Variants in TEAD1 observed in about 807,000 individuals in gnomAD.
The protein encoded by TEAD1 is TEA domain transcription factor 1.
In TEAD1, 9 loss-of-function variants were observed where a neutral mutation model predicts 54.9. That is an observed-to-expected ratio of 0.16 (90% CI 0.10 to 0.29). The LOEUF is 0.29. Ranked by LOEUF, TEAD1 falls within the 10% of genes least tolerant of loss-of-function variation. The pLI is 1.00. For missense variants in TEAD1, 387 were observed against 535.9 expected (o/e 0.72, Z 2.74); for synonymous variants, 200 against 187.8 (o/e 1.07, Z -0.53).
intron 2 of TEAD1, among the ~76,000 whole-genome samples, chr11:12,747,802 T>C (rs1482807255): frequency 6.6e-6 from 1 of 152,214 alleles, no homozygotes; most frequent in African/African-American, 2.4e-5. Context: ...TTACATCAGG[T>C]GGCTAATAAT....
intron 2 of TEAD1, among the ~76,000 whole-genome samples, chr11:12,713,898 T>G (rs1290076433): frequency 6.6e-6 from 1 of 152,134 alleles, no homozygotes; most frequent in Non-Finnish European, 1.5e-5. Flanking sequence ...TGGCCTCACT[T>G]CTCTCAGTAA....
chr11:12,772,755 C>T (rs369642480), intron 3 of TEAD1, among the ~76,000 whole-genome samples: 296 of 152,208 alleles, frequency 1.9e-3, no homozygotes, highest in African/African-American at 6.4e-3. Context: ...TTGCAACAAG[C>T]GGGATATTGG....
chr11:12,915,303 C>A (rs1294433416), intron 10 of TEAD1, among the ~76,000 whole-genome samples: 1 of 152,200 alleles, frequency 6.6e-6, no homozygotes, highest in Non-Finnish European at 1.5e-5. Flanking sequence ...TCCCATTCTT[C>A]ACTGGGCAGG....
intron 3 of TEAD1, among the ~76,000 whole-genome samples, chr11:12,796,425 C>T (rs189866565): frequency 1.9e-3 from 292 of 152,288 alleles, no homozygotes; most frequent in African/African-American, 6.5e-3. Context: ...CAGATGCTTA[C>T]GATGTTTAGC....
chr11:12,884,716 A>G (rs1210212744), intron 9 of TEAD1, among the ~76,000 whole-genome samples: 4 of 152,190 alleles, frequency 2.6e-5, no homozygotes, highest in Admixed American at 1.3e-4. Context: ...CCATCAGGAC[A>G]GGTACAAGAA....
chr11:12,679,424 A>T (rs540227679), intron 2 of TEAD1, among the ~76,000 whole-genome samples: 204 of 152,332 alleles, frequency 1.3e-3, no homozygotes, highest in African/African-American at 4.8e-3. Context: ...AGCATCCGTC[A>T]TCTCTAATGG....
At chr11:12,762,592 AT>A (rs1945123475) in intron 2 of TEAD1, among the ~76,000 whole-genome samples, 1 of 152,214 alleles carries the variant, frequency 6.6e-6, no homozygotes, top group South Asian at 2.1e-4. Context: ...CAGTAGCAGC[AT>A]TTAAAGGCAG....
chr11:12,759,839 G>T (rs971082348), intron 2 of TEAD1, among the ~76,000 whole-genome samples: 1 of 152,166 alleles, frequency 6.6e-6, no homozygotes, highest in Non-Finnish European at 1.5e-5. Flanking sequence ...TCCAGCCTGG[G>T]CAATAGAGTG....
chr11:12,869,737 C>T (rs1212624044), intron 5 of TEAD1, among the ~76,000 whole-genome samples: 3 of 152,132 alleles, frequency 2.0e-5, no homozygotes, highest in Non-Finnish European at 4.4e-5. Context: ...TCTACCCACC[C>T]TCCGTCTTCA....
Position 12,724,547 on chromosome 11 carries a change from C to G in TEAD1, c.-54-39632C>G, listed in dbSNP as rs543966834. Among the ~76,000 whole-genome samples, 3 of 152,320 alleles carry G rather than the reference C, an allele frequency of 2.0e-5. No homozygotes were observed. The South Asian group carries it at 6.2e-4, about 32-fold the overall frequency. On this transcript the variant is annotated intron_variant, in intron 2 of 12. Transcript: ENST00000527636. Reference sequence around the variant, plus strand: ...GTGCTGATGACTCATCCTCTGAATGCGAGTGCTTTCTTCTGAAATCATAAA... The same window carrying G: ...GTGCTGATGACTCATCCTCTGAATGGGAGTGCTTTCTTCTGAAATCATAAA...
intron 10 of TEAD1, 52 bp downstream of exon 10, chr11:12,902,165 C>T (rs910625283): frequency 6.2e-7 from 1 of 1,606,548 alleles, no homozygotes; most frequent in Middle Eastern, 1.7e-4. Flanking sequence ...ATGGTCACAT[C>T]TCTTACATGA....
intron 3 of TEAD1, among the ~76,000 whole-genome samples, chr11:12,860,995 C>T (rs1019881418): frequency 6.6e-6 from 1 of 152,168 alleles, no homozygotes; most frequent in Non-Finnish European, 1.5e-5. Context: ...CAGCAAGCTT[C>T]AGACTTGTTC....
At chr11:12,879,155 C>T (rs1947915574) in intron 5 of TEAD1, among the ~76,000 whole-genome samples, 1 of 152,210 alleles carries the variant, frequency 6.6e-6, no homozygotes, top group East Asian at 1.9e-4. Flanking sequence ...CCAACCCCCG[C>T]TGCTTCTGAG....
intron 10 of TEAD1, among the ~76,000 whole-genome samples, chr11:12,923,739 G>A (rs926683876): frequency 6.6e-6 from 1 of 152,188 alleles, no homozygotes; most frequent in Admixed American, 6.5e-5. Flanking sequence ...CACATGAAGG[G>A]CCAGAGAGAG....
chr11:12,760,998 C>G (rs1030401626), intron 2 of TEAD1, among the ~76,000 whole-genome samples: 1 of 152,188 alleles, frequency 6.6e-6, no homozygotes, highest in Non-Finnish European at 1.5e-5. Context: ...GGGCTGTGTC[C>G]TGGCCCATTG....
intron 5 of TEAD1, chr11:12,865,428 T>C (rs1947597177): frequency 6.2e-6 from 1 of 160,230 alleles, no homozygotes; most frequent in Admixed American, 5.9e-5. Flanking sequence ...TGCATGTCTC[T>C]TCCCTCAGAG....
At chr11:12,739,240 C>T (rs1028542336) in intron 2 of TEAD1, among the ~76,000 whole-genome samples, 1 of 152,026 alleles carries the variant, frequency 6.6e-6, no homozygotes, top group Admixed American at 6.5e-5. Context: ...ATCTATCTAT[C>T]TATCAGTCAT....
Position 12,938,213 on chromosome 11 carries a change from A to G in TEAD1, c.*991A>G, listed in dbSNP as rs1329662884. 3 of 152,640 alleles carry G rather than the reference A, an allele frequency of 2.0e-5. No individual in the cohort carries two copies. Among genetic ancestry groups the G allele is most frequent in the African/African-American group, 7.2e-5 (3 of 41,462 alleles). 9.5% of individuals were successfully genotyped at this position (152,640 alleles called of 1,614,324 possible). ...TAACAAAATTTTAAAATTGGCATGA[A>G]TACGGAATACTGCACTGTGAGATGC... On this transcript the variant is annotated 3_prime_UTR_variant, in exon 13 of 13. Transcript: ENST00000527636.
At chr11:12,690,826 C>T (rs947265385) in intron 2 of TEAD1, among the ~76,000 whole-genome samples, 3 of 152,186 alleles carry the variant, frequency 2.0e-5, no homozygotes, top group Admixed American at 6.5e-5. Flanking sequence ...GATGCGATCC[C>T]GGCTTGCCGT....
Sources: allele counts gnomAD v4.1 joint callset (sites outside exome capture counted in the v4.1 genomes callset), GRCh38; gene constraint gnomAD v4.1.1; transcripts MANE v1.5; gene names NCBI Gene and HGNC (gene_info 2026-07-23, HGNC 2026-07-21).